The following MPP7 variants were observed in gnomAD, a reference collection of about 807,000 sequenced individuals.
MPP7 encodes MAGUK p55 subfamily member 7.
MPP7 carries 60 observed loss-of-function variants against 76.5 expected under a neutral mutation model. The observed-to-expected ratio is 0.78, with a 90% CI of 0.64 to 0.97. MPP7 has a LOEUF of 0.97. Ranked by LOEUF, MPP7 falls within the 50% of genes least tolerant of loss-of-function variation. The pLI, the probability that MPP7 is intolerant of heterozygous loss-of-function variation, is 0.00. For synonymous variants in MPP7, 237 were observed against 244.5 expected (o/e 0.97, Z 0.29); for missense variants, 641 against 694.0 (o/e 0.92, Z 0.86).
intron 3 of MPP7, among the ~76,000 whole-genome samples, chr10:28,179,663 A>T (rs1474608139): frequency 6.6e-6 from 1 of 152,200 alleles, no homozygotes; most frequent in Non-Finnish European, 1.5e-5. Context: ...TCTTTAAGCT[A>T]GGTCTCAGAT....
chr10:28,245,724 C>T (rs1009885684), intron 1 of MPP7, among the ~76,000 whole-genome samples: 14 of 151,012 alleles, frequency 9.3e-5, no homozygotes, highest in South Asian at 2.1e-4. Context: ...GGTGCGATCT[C>T]GGCTCACAGC....
At chr10:28,205,767 A>G (rs10763647) in intron 2 of MPP7, among the ~76,000 whole-genome samples, 26,670 of 152,156 alleles carry the variant, frequency 0.18, 2,977 homozygotes, top group East Asian at 0.56. Flanking sequence ...GTCTTCAGAA[A>G]AGAAGTAAAC....
chr10:28,298,935 T>C (rs1485648134), intron 1 of MPP7, among the ~76,000 whole-genome samples: 1 of 152,218 alleles, frequency 6.6e-6, no homozygotes, highest in Non-Finnish European at 1.5e-5. Flanking sequence ...CCAACTTTTC[T>C]TCTGTAACTT....
At chr10:28,161,473 C>A (rs1836262108) in intron 3 of MPP7, among the ~76,000 whole-genome samples, 1 of 150,934 alleles carries the variant, frequency 6.6e-6, no homozygotes, top group African/African-American at 2.4e-5. Flanking sequence ...TTCAATAGAA[C>A]ATGAAAGCTG....
intron 1 of MPP7, among the ~76,000 whole-genome samples, chr10:28,250,860 A>G (rs570558173): frequency 6.6e-6 from 1 of 152,330 alleles, no homozygotes; most frequent in African/African-American, 2.4e-5. Context: ...GTGAGCAAAA[A>G]GGATCATAAT....
chr10:28,124,078 C>A lies in MPP7; in HGVS notation c.568G>T (p.Gly190Trp). The A allele has an allele frequency of 6.2e-7, 1 of 1,612,704 alleles. No individual in the cohort carries two copies. ...HVGDELREVN[G>W]IPVEDKRPEE... ...GGCCTTTTATCCTCCACTGGTATCCCGTTGACTTCCCTAAGTTCATCACCA... is the reference window on the plus strand; with the variant it reads ...GGCCTTTTATCCTCCACTGGTATCCAGTTGACTTCCCTAAGTTCATCACCA... The change falls in exon 8 of 17, where the codon GGG becomes TGG. Residue 190 changes from glycine to tryptophan, a missense_variant. Gly to Trp is a radical substitution (Grantham distance 184, BLOSUM62 -2). Transcript: ENST00000683449.
intron 11 of MPP7, among the ~76,000 whole-genome samples, chr10:28,111,448 C>G (rs142941965): frequency 2.6e-5 from 4 of 152,122 alleles, no homozygotes; most frequent in African/African-American, 7.2e-5. Flanking sequence ...AGAACAAAAA[C>G]CTTCAGCATT....
intron 11 of MPP7, among the ~76,000 whole-genome samples, chr10:28,098,286 C>T (rs1564629367): frequency 6.6e-6 from 1 of 151,528 alleles, no homozygotes; most frequent in Non-Finnish European, 1.5e-5. Flanking sequence ...CTACATAGTA[C>T]CATAGAAATG....
chr10:28,135,815 A>T (rs543457325), intron 5 of MPP7, among the ~76,000 whole-genome samples: 44 of 152,326 alleles, frequency 2.9e-4, no homozygotes, highest in African/African-American at 1.0e-3. Context: ...CAAGTAATTT[A>T]ACTGTATAAC....
At chr10:28,228,216 T>TA (rs1838762400) in intron 2 of MPP7, among the ~76,000 whole-genome samples, 1 of 152,208 alleles carries the variant, frequency 6.6e-6, no homozygotes, top group South Asian at 2.1e-4. Context: ...GATTTTTTTT[T>TA]ATACGAAAGA....
chr10:28,185,144 T>C (rs1284533130), intron 3 of MPP7, among the ~76,000 whole-genome samples: 1 of 148,470 alleles, frequency 6.7e-6, no homozygotes, highest in African/African-American at 2.4e-5. Context: ...GCCTATATTA[T>C]ATATTTTTTA....
At chr10:28,324,946 C>T (rs1010030401) in intron 2 of MPP7, among the ~76,000 whole-genome samples, 1 of 152,182 alleles carries the variant, frequency 6.6e-6, no homozygotes, top group South Asian at 2.1e-4. Flanking sequence ...AGTCCAGTTC[C>T]AAAGCCTGTG....
upstream of MPP7, chr10:28,305,673 AC>A (rs1234327453): frequency 6.6e-6 from 1 of 152,258 alleles, no homozygotes; most frequent in Non-Finnish European, 1.5e-5. Context: ...GATCCAGAGA[AC>A]AACAGAAGAG....
intron 2 of MPP7, among the ~76,000 whole-genome samples, chr10:28,319,097 A>T (rs1021806670): frequency 2.0e-5 from 3 of 152,208 alleles, no homozygotes; most frequent in Admixed American, 2.0e-4. Flanking sequence ...GGCATGGCTG[A>T]GGAGACCTCA....
chr10:28,103,761 A>C (rs1232060878), intron 11 of MPP7, among the ~76,000 whole-genome samples: 3 of 152,238 alleles, frequency 2.0e-5, no homozygotes, highest in Admixed American at 2.0e-4. Context: ...TATAAAATCC[A>C]GAAATAGCAT....
At chr10:28,055,718 A>G (rs1360049272) in intron 16 of MPP7, among the ~76,000 whole-genome samples, 1 of 152,224 alleles carries the variant, frequency 6.6e-6, no homozygotes, top group African/African-American at 2.4e-5. Flanking sequence ...AGCAAGGCAC[A>G]TTATTAAATT....
At chr10:28,268,513 C>G (rs1293208779) in intron 1 of MPP7, among the ~76,000 whole-genome samples, 1 of 152,144 alleles carries the variant, frequency 6.6e-6, no homozygotes, top group African/African-American at 2.4e-5. Flanking sequence ...ACACGGATGA[C>G]TTGAGGTAAG....
chr10:28,090,890 C>A (rs1329629713), intron 11 of MPP7, among the ~76,000 whole-genome samples: 4 of 152,122 alleles, frequency 2.6e-5, no homozygotes, highest in African/African-American at 9.7e-5. Context: ...TGCCTATAAT[C>A]CCAGCACTTT....
intron 1 of MPP7, among the ~76,000 whole-genome samples, chr10:28,250,622 A>G (rs1305046135): frequency 6.6e-6 from 1 of 152,204 alleles, no homozygotes; most frequent in Non-Finnish European, 1.5e-5. Context: ...CCGCACTTTC[A>G]TGATAAAGTT....
Sources: allele counts gnomAD v4.1 joint callset (sites outside exome capture counted in the v4.1 genomes callset), GRCh38; gene constraint gnomAD v4.1.1; transcripts MANE v1.5; gene names NCBI Gene and HGNC (gene_info 2026-07-23, HGNC 2026-07-21).